TACC2: variants seen among roughly 807,000 people sequenced by gnomAD.
TACC2 encodes the protein transforming acidic coiled-coil containing protein 2, also known as transforming acidic coiled-coil-containing protein 2.
In TACC2, 137 loss-of-function variants were observed where a neutral mutation model predicts 227.3. That is an observed-to-expected ratio of 0.60 (90% CI 0.52 to 0.69). The LOEUF (loss-of-function observed/expected upper bound fraction) is 0.69, where lower values mean the gene tolerates loss of function less well. Among genes scored for constraint, TACC2 ranks in the 30% least tolerant of loss-of-function variants. TACC2 has a pLI of 0.00. For synonymous variants in TACC2, 1,523 were observed against 1,487.5 expected (o/e 1.02, Z -0.55); for missense variants, 3,470 against 3,694.4 (o/e 0.94, Z 1.57).
rs2095254074 is a variant in TACC2 at position 122,210,118 on chromosome 10, GTGAATGTTTT to G, written c.5972-272_5972-263del. 2.1e-6 allele frequency: 1 copy of G among 487,086 alleles called. No individual in the cohort carries two copies. The highest frequency in any genetic ancestry group is 1.9e-5 in the African/African-American group (1 of 51,704). 30.2% of individuals were successfully genotyped at this position (487,086 alleles called of 1,614,324 possible). ...ATGTCTGGTCCTGATTAGGCACTTG[GTGAATGTTTT>G]TGAATGAATACTCTGAGCTGTTCTT... On this transcript the variant is annotated intron_variant, in intron 8 of 22. Transcript: ENST00000369005. This position sits in a 1 kb window ranked among gnomAD's most constrained non-coding sequence, Gnocchi z 4.6.
intron 11 of TACC2, among the ~76,000 whole-genome samples, chr10:122,219,103 T>A (rs2095472881): frequency 6.6e-6 from 1 of 151,322 alleles, no homozygotes; most frequent in African/African-American, 2.4e-5. Flanking sequence ...CTCCTTTGGA[T>A]CCTTATTTCT....
chr10:122,016,536 C>A (rs1188056782), intron 1 of TACC2, among the ~76,000 whole-genome samples: 3 of 149,354 alleles, frequency 2.0e-5, no homozygotes, highest in Non-Finnish European at 4.4e-5. Flanking sequence ...CACTGTACTC[C>A]AGCCTGGACG....
chr10:122,138,663 C>T (rs1046704119), intron 6 of TACC2, among the ~76,000 whole-genome samples: 1 of 152,088 alleles, frequency 6.6e-6, no homozygotes, highest in African/African-American at 2.4e-5. Flanking sequence ...TTTGTGAAGC[C>T]AGCACCCAGC....
In TACC2 at chr10:122,084,567, G is replaced by A. The variant is rs749736471; in HGVS notation, c.2067G>A (p.Glu689=). Residue 689 remains glutamate (E), a synonymous_variant, in exon 4 of 23, where the codon GAG becomes GAA. Transcript: ENST00000369005. ...CTGTTCCCGAAGGAGCCATCTGGGA[G>A]GGGTCAGGATTGCAGCCCAAATGTC... ...EPTVPEGAIW[E]GSGLQPKCPD... The A allele has an allele frequency of 6.2e-7, 1 of 1,613,682 alleles. No individual in the cohort carries two copies. The highest frequency in any genetic ancestry group is 1.3e-5 in the African/African-American group (1 of 74,940).
At chr10:122,135,743 A>C (rs1168681741) in intron 6 of TACC2, among the ~76,000 whole-genome samples, 1 of 152,208 alleles carries the variant, frequency 6.6e-6, no homozygotes, top group Non-Finnish European at 1.5e-5. Flanking sequence ...GTCCTTTCTC[A>C]GTCATTTGCA....
intron 7 of TACC2, among the ~76,000 whole-genome samples, chr10:122,187,044 C>CA (rs1321294083): frequency 5.3e-5 from 8 of 152,172 alleles, no homozygotes; most frequent in African/African-American, 1.9e-4. Context: ...GGCTTAGTGT[C>CA]ACTCTGCGCT....
chr10:122,046,104 A>C (rs1480674504), intron 2 of TACC2, among the ~76,000 whole-genome samples: 4 of 145,806 alleles, frequency 2.7e-5, no homozygotes, highest in Non-Finnish European at 6.0e-5. Flanking sequence ...GAACCCGGGA[A>C]GCGGAGGTTG....
At chr10:122,228,324 C>A (rs567094891) in intron 14 of TACC2, among the ~76,000 whole-genome samples, 11 of 152,194 alleles carry the variant, frequency 7.2e-5, no homozygotes, top group Non-Finnish European at 1.5e-4. Context: ...AGTCCTCTGC[C>A]GCTTCGTCCT....
chr10:122,112,686 C>T (rs954623360), intron 5 of TACC2, among the ~76,000 whole-genome samples: 2 of 152,212 alleles, frequency 1.3e-5, no homozygotes, highest in Non-Finnish European at 2.9e-5. Context: ...CACAGCCTTC[C>T]CGGCGTTGCC....
chr10:122,115,488 T>C (rs1448535010), intron 5 of TACC2, among the ~76,000 whole-genome samples: 1 of 152,196 alleles, frequency 6.6e-6, no homozygotes, highest in East Asian at 1.9e-4. Context: ...GAGGATGCTA[T>C]TGGCGTCTAG....
At position 122,082,825 on chromosome 10, in the gene TACC2, T is replaced by A. The variant is rs778562836; in HGVS notation, c.325T>A (p.Ser109Thr). Reference sequence around the variant, plus strand: ...GTCCCAGGAGCGAGAGCACCCCTCGTCCTCCATGCCCTTTGCCGAGTGTCC... The same window carrying A: ...GTCCCAGGAGCGAGAGCACCCCTCGACCTCCATGCCCTTTGCCGAGTGTCC... ...PPSQEREHPS[S>T]SMPFAECPPE... Residue 109 changes from serine (S) to threonine (T), a missense_variant, in exon 4 of 23, where the codon TCC becomes ACC. By Grantham distance (58) the Ser-to-Thr change is moderately conservative. Around this residue, in one of 10 missense-constraint regions of TACC2, gnomAD observed 405 missense variants for 389.6 expected, o/e 1.04. Coordinates refer to ENST00000369005, the MANE Select transcript of TACC2 (RefSeq NM_206862.4). 3.7e-5 allele frequency: 59 copies of A among 1,613,508 alleles called. No individual in the cohort carries two copies. Among genetic ancestry groups the A allele is most frequent in the Non-Finnish European group, 4.9e-5 (58 of 1,180,002 alleles).
At chr10:122,107,841 C>A (rs550775834) in intron 5 of TACC2, among the ~76,000 whole-genome samples, 1 of 144,720 alleles carries the variant, frequency 6.9e-6, no homozygotes, top group South Asian at 2.3e-4. Flanking sequence ...CCCACCCTTT[C>A]CCCCAAGACC....
intron 7 of TACC2, among the ~76,000 whole-genome samples, chr10:122,187,316 T>C (rs1593089805): frequency 6.6e-6 from 1 of 152,108 alleles, no homozygotes; most frequent in Admixed American, 6.5e-5. Flanking sequence ...TACCCGGAGC[T>C]CGCCCTTTCT....
At chr10:122,146,775 G>A (rs1009005334) in intron 7 of TACC2, among the ~76,000 whole-genome samples, 5 of 152,110 alleles carry the variant, frequency 3.3e-5, no homozygotes, top group African/African-American at 4.8e-5. Context: ...GTTGATTCAC[G>A]TTTTCTTAGT....
rs562736996 is a variant in TACC2, at chr10:122,050,264, A to G, written c.34-174A>G. Among the ~76,000 whole-genome samples, 3 of 152,254 alleles carry G rather than the reference A, an allele frequency of 2.0e-5. No individual in the cohort carries two copies. The highest frequency in any genetic ancestry group is 6.5e-5 in the Admixed American group (1 of 15,288). On this transcript the variant is annotated intron_variant, in intron 2 of 22. Transcript: ENST00000369005. This position sits in a 1 kb window ranked among gnomAD's most constrained non-coding sequence, Gnocchi z 4.6. ...CAGCAGCCACCTTTGCTTCGCTGCC[A>G]TATATCCTCAAGGCCTAGCTCAGTG...
rs761611487 is a variant in TACC2, at chr10:122,185,186, C to CT, written c.5835-9839dup. ...TGGCCTATCACATACTCTTTTCTTT[C>CT]TTTTTTTTTTTTTTTGAGATGGAGT... On this transcript the variant is annotated intron_variant, in intron 7 of 22. Transcript: ENST00000369005. Among the ~76,000 whole-genome samples the CT allele has an allele frequency of 1.4e-3, 194 of 138,446 alleles. 1 individual carries two copies. The highest frequency in any genetic ancestry group is 2.4e-3 in the African/African-American group (91 of 37,992). 90.8% of individuals were successfully genotyped at this position (138,446 alleles called of 152,430 possible).
chr10:122,182,677 C>T (rs183262684), intron 7 of TACC2, among the ~76,000 whole-genome samples: 142 of 152,312 alleles, frequency 9.3e-4, no homozygotes, highest in African/African-American at 3.1e-3. Context: ...AAAGTCAAAA[C>T]ACGTGAGCTT....
chr10:122,050,623 T>C lies in TACC2; in HGVS notation c.146+73T>C. On this transcript the variant is annotated intron_variant, in intron 3 of 22. Coordinates refer to ENST00000369005, the MANE Select transcript of TACC2 (RefSeq NM_206862.4). The surrounding 1 kb of genome is among the most constrained non-coding windows in gnomAD (Gnocchi z 4.6). ...CTCATTGCCTGCTCCAGCATTAGCT[T>C]TGCCCCATTTGCTTTGGAAACTGGA... 8.1e-7 allele frequency: 1 copy of C among 1,234,548 alleles called. No individual in the cohort carries two copies. The highest frequency in any genetic ancestry group is 1.2e-6 in the Non-Finnish European group (1 of 854,724). 76.5% of individuals were successfully genotyped at this position (1,234,548 alleles called of 1,614,324 possible).
chr10:122,226,141 A>G (rs950137693), intron 12 of TACC2, among the ~76,000 whole-genome samples: 1 of 152,116 alleles, frequency 6.6e-6, no homozygotes. Context: ...CCACGTTCCT[A>G]CTTGAACTCA....
Sources: gnomAD v4.1 joint callset for allele counts (sites outside exome capture counted in the v4.1 genomes callset) on GRCh38, gnomAD v4.1.1 for gene constraint, gnomAD v4.1.1 regional missense constraint, Gnocchi (gnomAD v3.1) non-coding constraint, MANE v1.5 for transcripts, NCBI Gene and HGNC (gene_info 2026-07-23, HGNC 2026-07-21) for gene names.